Variants in RPS6KC1 observed in about 807,000 individuals in gnomAD.
RPS6KC1 encodes ribosomal protein S6 kinase C1.
Under a neutral mutation model 103.8 loss-of-function variants are expected in RPS6KC1, and 54 were observed. The observed-to-expected ratio is 0.52, with a 90% CI of 0.42 to 0.65. The LOEUF is 0.65. Ranked by LOEUF, RPS6KC1 falls within the 30% of genes least tolerant of loss-of-function variation. The pLI is 0.00. For missense variants in RPS6KC1, 1,151 were observed against 1,253.8 expected, an observed-to-expected ratio of 0.92 and a Z score of 1.24; for synonymous variants, 439 against 438.7, an observed-to-expected ratio of 1.00 and a Z score of -0.01.
intron 1 of RPS6KC1, among the ~76,000 whole-genome samples, chr1:213,054,913 T>TGG (rs2077213201): frequency 6.6e-6 from 1 of 152,214 alleles, no homozygotes; most frequent in Non-Finnish European, 1.5e-5. Flanking sequence ...TCAGCAGTGT[T>TGG]TTCAGTTATT....
the RPS6KC1 span, among the ~76,000 whole-genome samples, chr1:213,465,469 G>C: frequency 6.6e-6 from 1 of 152,156 alleles, no homozygotes; most frequent in Non-Finnish European, 1.5e-5. Context: ...GGCTGTGCCA[G>C]TTTCCTCGCC....
intron 4 of RPS6KC1, among the ~76,000 whole-genome samples, chr1:213,115,117 C>T (rs1469596193): frequency 1.3e-5 from 2 of 152,282 alleles, no homozygotes; most frequent in East Asian, 3.9e-4. Context: ...GGAATAGTTT[C>T]AGAAGGAATA....
the RPS6KC1 span, among the ~76,000 whole-genome samples, chr1:213,317,317 C>T: frequency 6.6e-6 from 1 of 152,140 alleles, no homozygotes; most frequent in Non-Finnish European, 1.5e-5. Flanking sequence ...CACTCAACAT[C>T]ACTGATGTTG....
the RPS6KC1 span, among the ~76,000 whole-genome samples, chr1:213,597,996 CAG>C: frequency 6.6e-6 from 1 of 152,162 alleles, no homozygotes; most frequent in Non-Finnish European, 1.5e-5. Context: ...AAAAACAAAA[CAG>C]AGTGATGACT....
At chr1:213,447,974 T>G in the RPS6KC1 span, among the ~76,000 whole-genome samples, 80 of 152,266 alleles carry the variant, frequency 5.3e-4, no homozygotes, top group Non-Finnish European at 1.0e-3. Flanking sequence ...CTCATGCCTG[T>G]AATCCCAACA....
the RPS6KC1 span, among the ~76,000 whole-genome samples, chr1:213,699,641 T>C: frequency 6.6e-6 from 1 of 152,164 alleles, no homozygotes; most frequent in Non-Finnish European, 1.5e-5. Flanking sequence ...CAAACTATTT[T>C]GAACTAATTT....
chr1:213,232,068 AAAGGCAACT>A, intron 9 of RPS6KC1, 46 bp from the exon 10 acceptor site: 1 of 1,597,182 alleles, frequency 6.3e-7, no homozygotes, highest in East Asian at 2.3e-5. Flanking sequence ...AGCAGGCTCC[AAAGGCAACT>A]GAGGATGCAA....
At chr1:213,816,492 C>T in the RPS6KC1 span, among the ~76,000 whole-genome samples, 13 of 152,274 alleles carry the variant, frequency 8.5e-5, no homozygotes, top group East Asian at 1.2e-3. Context: ...ACTCCTGCCT[C>T]GCCACACTGA....
the RPS6KC1 span, among the ~76,000 whole-genome samples, chr1:213,464,064 T>A: frequency 2.0e-5 from 3 of 152,222 alleles, no homozygotes; most frequent in Non-Finnish European, 4.4e-5. Context: ...TGGTTCATTA[T>A]TTTTTAGTAT....
At chr1:213,112,531 G>A (rs949699297) in intron 4 of RPS6KC1, among the ~76,000 whole-genome samples, 7 of 151,114 alleles carry the variant, frequency 4.6e-5, no homozygotes, top group African/African-American at 1.7e-4. Flanking sequence ...TTGTATACAA[G>A]TGGTTCTCAA....
the RPS6KC1 span, among the ~76,000 whole-genome samples, chr1:213,632,704 G>A: frequency 4.6e-5 from 7 of 152,370 alleles, no homozygotes; most frequent in African/African-American, 7.2e-5. Context: ...ACTTTGATAA[G>A]TCGACAGAAG....
chr1:213,602,096 C>CTT, the RPS6KC1 span, among the ~76,000 whole-genome samples: 54 of 31,988 alleles, frequency 1.7e-3, 2 homozygotes, highest in African/African-American at 8.8e-3. Context: ...TTCTTTCTTT[C>CTT]TTTCTTTCTT....
chr1:213,791,069 T>C, the RPS6KC1 span, among the ~76,000 whole-genome samples: 4 of 101,280 alleles, frequency 3.9e-5, no homozygotes, highest in Non-Finnish European at 6.9e-5. Flanking sequence ...CTATGAAATA[T>C]AAGAATCTGG....
chr1:213,560,875 C>G, the RPS6KC1 span, among the ~76,000 whole-genome samples: 1 of 152,150 alleles, frequency 6.6e-6, no homozygotes, highest in Non-Finnish European at 1.5e-5. Context: ...AGTGGGCAAG[C>G]CTGCTTTTTG....
At chr1:213,062,223 C>T (rs895520404) in intron 1 of RPS6KC1, among the ~76,000 whole-genome samples, 3 of 152,122 alleles carry the variant, frequency 2.0e-5, no homozygotes, top group Admixed American at 6.5e-5. Context: ...CACTTGACCT[C>T]ATGTGATAGG....
At chr1:213,679,580 G>T in the RPS6KC1 span, among the ~76,000 whole-genome samples, 1 of 152,186 alleles carries the variant, frequency 6.6e-6, no homozygotes, top group East Asian at 1.9e-4. Context: ...TAGTCCTCAT[G>T]TCATCACAAC....
At chr1:213,433,745 A>G in the RPS6KC1 span, among the ~76,000 whole-genome samples, 1 of 152,164 alleles carries the variant, frequency 6.6e-6, no homozygotes, top group African/African-American at 2.4e-5. Context: ...AGCATTTTTT[A>G]TGTGTTTGGG....
the RPS6KC1 span, among the ~76,000 whole-genome samples, chr1:213,538,828 C>A: frequency 6.6e-6 from 1 of 152,178 alleles, no homozygotes; most frequent in Non-Finnish European, 1.5e-5. Context: ...GGGCTATAAT[C>A]ACCCTATACT....
chr1:213,443,352 T>C, the RPS6KC1 span, among the ~76,000 whole-genome samples: 3 of 152,362 alleles, frequency 2.0e-5, 1 homozygote, highest in Non-Finnish European at 4.4e-5. Context: ...ATAGTCCATA[T>C]ACAAATCTGT....
Sources: allele counts gnomAD v4.1 joint callset (sites outside exome capture counted in the v4.1 genomes callset), GRCh38; gene constraint gnomAD v4.1.1; transcripts MANE v1.5; gene names NCBI Gene and HGNC (gene_info 2026-07-23, HGNC 2026-07-21).